ANGPTL1: variants seen among roughly 807,000 people sequenced by gnomAD.
The protein encoded by ANGPTL1 is angiopoietin like 1, also known as angiopoietin-related protein 1.
Under a neutral mutation model 46.7 loss-of-function variants are expected in ANGPTL1, and 36 were observed. The observed-to-expected ratio is 0.77, with a 90% CI of 0.59 to 1.02. ANGPTL1 has a LOEUF of 1.02. ANGPTL1 is among the 50% of genes least tolerant of loss of function. The probability of loss-of-function intolerance (pLI) is 0.00; values close to 1 mark genes in which losing one functional copy is unlikely to be tolerated. For synonymous variants in ANGPTL1, 221 were observed against 204.3 expected (o/e 1.08, Z -0.69); for missense variants, 571 against 594.7 (o/e 0.96, Z 0.41).
At chr1:178,860,952 G>C (rs546625130) in intron 3 of ANGPTL1, among the ~76,000 whole-genome samples, 1 of 152,296 alleles carries the variant, frequency 6.6e-6, no homozygotes, top group South Asian at 2.1e-4. Context: ...AGCACATTGT[G>C]TAAGGAAAAT....
At position 178,851,208 on chromosome 1, in the gene ANGPTL1, T is replaced by C. The variant is rs747105169; in HGVS notation, c.1397A>G (p.Asp466Gly). 8 of 1,614,044 alleles carry C rather than the reference T, an allele frequency of 5.0e-6. No homozygotes were observed. In the Admixed American group the frequency reaches 1.0e-4, roughly 20 times the overall value. ...RGGHYRSKHQ[D>G]GIFWAEYRGG... Reference sequence around the variant, plus strand: ...TCTGTATTCGGCCCAGAAAATTCCATCTTGGTGCTTGCTTCTGTAATGGCC... The same window carrying C: ...TCTGTATTCGGCCCAGAAAATTCCACCTTGGTGCTTGCTTCTGTAATGGCC... Residue 466 changes from aspartate to glycine, a missense_variant, in exon 6 of 6, where the codon GAT (aspartate) becomes GGT (glycine). Physicochemically the swap from Asp to Gly is moderately conservative, Grantham distance 94 (BLOSUM62 -1). Coordinates refer to ENST00000234816, the MANE Select transcript of ANGPTL1 (RefSeq NM_004673.4).
rs780602915 is a variant in ANGPTL1 at position 178,852,685 on chromosome 1, G to A, written c.1286C>T (p.Ala429Val). ...TTLDRDKDMY[A>V]GNCAHFHKGG... The stretch of plus-strand genomic sequence containing the variant: ...GAATGAAAGTTTTTCATACTTACCT[G>A]CATACATATCTTTATCTCTGTCCAG... Residue 429 changes from alanine (A) to valine (V), a missense_variant and splice_region_variant, in exon 5 of 6, where the codon GCA becomes GTA. Coordinates refer to ENST00000234816, the MANE Select transcript of ANGPTL1 (RefSeq NM_004673.4). 5 of 1,611,066 alleles carry A rather than the reference G, an allele frequency of 3.1e-6. 1 individual carries two copies. In the South Asian group the frequency reaches 5.5e-5, roughly 18 times the overall value.
At chr1:178,852,580 A>G (rs570971426) in intron 5 of ANGPTL1, 103 bp downstream of exon 5, 1 of 1,306,528 alleles carries the variant, frequency 7.7e-7, no homozygotes, top group African/African-American at 1.5e-5. Context: ...AGTGACCAAA[A>G]CTGACCTTTT....
In ANGPTL1 at chr1:178,865,505, A is replaced by G; in HGVS notation, c.272T>C (p.Val91Ala). Reference protein sequence around the residue: ...TRMDLENLKDVLSRQKREIDV... With the variant: ...TRMDLENLKDALSRQKREIDV... ...TATCTCCCGCTTCTGCCTGGAGAGC[A>G]CATCCTTCAGGTTTTCAAGGTCCAT... The change falls in exon 3 of 6, where the codon GTG becomes GCG. Residue 91 changes from valine (V) to alanine (A), a missense_variant. Physicochemically the swap from Val to Ala is moderately conservative, Grantham distance 64 (BLOSUM62 0). Coordinates refer to ENST00000234816, the MANE Select transcript of ANGPTL1 (RefSeq NM_004673.4). 6.2e-7 allele frequency: 1 copy of G among 1,614,098 alleles called. No homozygotes were observed. The highest frequency in any genetic ancestry group is 1.3e-5 in the African/African-American group (1 of 75,022).
At chr1:178,859,587 T>C (rs1052986319) in intron 3 of ANGPTL1, among the ~76,000 whole-genome samples, 4 of 150,878 alleles carry the variant, frequency 2.7e-5, no homozygotes, top group Admixed American at 2.6e-4. Context: ...AAGCTTACCA[T>C]TTATGTCCTC....
rs1356240079 is a variant in ANGPTL1 at position 178,865,193 on chromosome 1, A to G, written c.584T>C (p.Leu195Ser). 5 of 1,613,516 alleles carry G rather than the reference A, an allele frequency of 3.1e-6. No homozygotes were observed. The highest frequency in any genetic ancestry group is 4.2e-6 in the Non-Finnish European group (5 of 1,179,562). ...LVNNQSVMIT[L>S]LEEQCLRIFS... The stretch of plus-strand genomic sequence containing the variant: ...TATCCTCAAGCACTGTTCTTCCAAC[A>G]AAGTGATCATCACAGATTGGTTATT... Residue 195 changes from leucine (L) to serine (S), a missense_variant, in exon 3 of 6, where the codon TTG (leucine) becomes TCG (serine). Leu to Ser is a moderately radical substitution (Grantham distance 145, BLOSUM62 -2). Coordinates refer to ENST00000234816, the MANE Select transcript of ANGPTL1 (RefSeq NM_004673.4).
At chr1:178,867,849 T>C (rs756501742) in intron 2 of ANGPTL1, among the ~76,000 whole-genome samples, 1 of 151,818 alleles carries the variant, frequency 6.6e-6, no homozygotes, top group African/African-American at 2.4e-5. Flanking sequence ...CAATGAAATA[T>C]AACTCTTATG....
rs1658346122 is a variant in ANGPTL1 at position 178,865,534 on chromosome 1, G to A, written c.243C>T (p.Thr81=). The A allele has an allele frequency of 6.2e-7, 1 of 1,614,108 alleles. No individual in the cohort carries two copies. The highest frequency in any genetic ancestry group is 8.5e-7 in the Non-Finnish European group (1 of 1,180,002). Residue 81 remains threonine (T), a synonymous_variant, in exon 3 of 6, where the codon ACC becomes ACT. Coordinates refer to ENST00000234816, the MANE Select transcript of ANGPTL1 (RefSeq NM_004673.4). ...QDASTIKDMI[T]RMDLENLKDV... ...CCTTCAGGTTTTCAAGGTCCATCCT[G>A]GTGATCATGTCTTTAATGGTACTTG...
intron 3 of ANGPTL1, among the ~76,000 whole-genome samples, chr1:178,857,974 A>G (rs1044478132): frequency 2.0e-5 from 3 of 152,290 alleles, no homozygotes; most frequent in South Asian, 2.1e-4. Context: ...TAAGACTTCA[A>G]TTATGCAAAT....
At position 178,850,759 on chromosome 1, in the gene ANGPTL1, C is replaced by T. The variant is rs1387104958; in HGVS notation, c.*370G>A. 1.3e-5 allele frequency: 2 copies of T among 156,312 alleles called. No individual in the cohort carries two copies. The highest frequency in any genetic ancestry group is 2.8e-5 in the Non-Finnish European group (2 of 70,856). 9.7% of individuals were successfully genotyped at this position (156,312 alleles called of 1,614,324 possible). On this transcript the variant is annotated 3_prime_UTR_variant, in exon 6 of 6. Transcript: ENST00000234816. ...GCTGAAATTTTAAAAATATTTTTTT[C>T]ACTAGACGTTAGAGCAATCTTAGAT...
At chr1:178,860,263 G>A (rs535731972) in intron 3 of ANGPTL1, among the ~76,000 whole-genome samples, 3,264 of 152,220 alleles carry the variant, frequency 0.021, 39 homozygotes, top group Middle Eastern at 0.041. Context: ...ATTGCAGCTT[G>A]TCAGGTGTAT....
At chr1:178,856,202 G>GAGAGAGATATATATAT (rs1428022812) in intron 3 of ANGPTL1, among the ~76,000 whole-genome samples, 14 of 83,904 alleles carry the variant, frequency 1.7e-4, no homozygotes, top group African/African-American at 9.0e-4. Context: ...GAGAGAGAGA[G>GAGAGAGATATATATAT]ATATATATAT....
chr1:178,852,975 T>C (rs1657282965), intron 4 of ANGPTL1, 22 bp from the exon 5 acceptor site: 2 of 1,591,386 alleles, frequency 1.3e-6, no homozygotes. Context: ...TGAAGAAACA[T>C]GAGTGCATAA....
At chr1:178,854,070 A>G (rs1411887138) in intron 3 of ANGPTL1, among the ~76,000 whole-genome samples, 2 of 152,102 alleles carry the variant, frequency 1.3e-5, no homozygotes, top group East Asian at 1.9e-4. Flanking sequence ...TAACATTTTC[A>G]TGCAGCTATA....
chr1:178,855,681 C>T (rs1186187476), intron 3 of ANGPTL1, among the ~76,000 whole-genome samples: 1 of 151,774 alleles, frequency 6.6e-6, no homozygotes, highest in Non-Finnish European at 1.5e-5. Context: ...TCGTTATAAA[C>T]ATATTTTCCT....
rs546850401 is a variant in ANGPTL1 at position 178,865,419 on chromosome 1, T to G, written c.358A>C (p.Arg120=). ...GAGTTCATGTTACGGCTTTCCTTTCTCAGCAGCTTTACCTCATTCACAATG... is the reference window on the plus strand; with the variant it reads ...GAGTTCATGTTACGGCTTTCCTTTCGCAGCAGCTTTACCTCATTCACAATG... ...GNIVNEVKLL[R]KESRNMNSRV... is the part of the protein sequence containing the mutation. Residue 120 remains arginine, a synonymous_variant, in exon 3 of 6, where the codon AGA becomes CGA. Transcript: ENST00000234816. 6 of 1,614,056 alleles carry G rather than the reference T, an allele frequency of 3.7e-6. No individual in the cohort carries two copies. In the South Asian group the frequency reaches 6.6e-5, roughly 18 times the overall value.
chr1:178,867,529 C>T (rs1658490163), intron 2 of ANGPTL1, among the ~76,000 whole-genome samples: 1 of 152,084 alleles, frequency 6.6e-6, no homozygotes, highest in Non-Finnish European at 1.5e-5. Context: ...AAACCTTCTA[C>T]TCCTAACTTT....
At chr1:178,861,979 TCTCCTGCCTCAG>T (rs1658048910) in intron 3 of ANGPTL1, among the ~76,000 whole-genome samples, 1 of 152,084 alleles carries the variant, frequency 6.6e-6, no homozygotes, top group South Asian at 2.1e-4. Flanking sequence ...TTCAAGTGAT[TCTCCTGCCTCAG>T]CCTCCTGAAT....
Position 178,849,887 on chromosome 1 carries a change from A to G in ANGPTL1, c.*1242T>C, listed in dbSNP as rs1383464739. 3 of 152,252 alleles carry G rather than the reference A, an allele frequency of 2.0e-5. No homozygotes were observed. Among genetic ancestry groups the G allele is most frequent in the Non-Finnish European group, 2.9e-5 (2 of 68,034 alleles). The allele number at this position is 152,252 out of a possible 1,614,324, so 9.4% of individuals were successfully genotyped here. A position where few individuals can be genotyped will look rare whatever the true frequency, so the allele number is the denominator to read the frequency against. Reference sequence around the variant, plus strand: ...TCGAGGTTTTCTTTTTGCTTAAGCAAAAGTTTCATGAGCTATCTTTAAAAT... The same window carrying G: ...TCGAGGTTTTCTTTTTGCTTAAGCAGAAGTTTCATGAGCTATCTTTAAAAT... On this transcript the variant is annotated 3_prime_UTR_variant, in exon 6 of 6. Transcript: ENST00000234816.
Sources: gnomAD v4.1 joint callset for allele counts (sites outside exome capture counted in the v4.1 genomes callset) on GRCh38, gnomAD v4.1.1 for gene constraint, MANE v1.5 for transcripts, NCBI Gene and HGNC (gene_info 2026-07-23, HGNC 2026-07-21) for gene names.